Variants in MYO3B observed in about 807,000 individuals in gnomAD.
MYO3B encodes myosin-IIIb.
Under a neutral mutation model 174.6 loss-of-function variants are expected in MYO3B, and 156 were observed. That is an observed-to-expected ratio of 0.89 (90% CI 0.78 to 1.02). The LOEUF (loss-of-function observed/expected upper bound fraction) is 1.02. Among genes scored for constraint, MYO3B ranks in the 50% least tolerant of loss-of-function variants. The pLI is 0.00. For synonymous variants in MYO3B, 563 were observed against 569.1 expected (o/e 0.99, Z 0.15); for missense variants, 1,632 against 1,639.4 (o/e 1.00, Z 0.08).
At chr2:170,602,377 T>C (rs575811501) in intron 32 of MYO3B, 23 of 597,004 alleles carry the variant, frequency 3.9e-5, no homozygotes, top group African/African-American at 3.0e-4. Flanking sequence ...CTCCACTCTG[T>C]AACATTAACC....
intron 22 of MYO3B, among the ~76,000 whole-genome samples, chr2:170,434,474 C>G (rs1456972144): frequency 1.3e-5 from 2 of 152,134 alleles, no homozygotes. Context: ...GCACGTGGCC[C>G]CTGCTGCTGT....
At chr2:170,332,902 C>A (rs779196624) in intron 7 of MYO3B, among the ~76,000 whole-genome samples, 14 of 152,172 alleles carry the variant, frequency 9.2e-5, no homozygotes, top group African/African-American at 2.4e-5. Context: ...GGACCCTTGC[C>A]AGGTCACTCT....
At chr2:170,389,549 C>A (rs1028712281) in intron 14 of MYO3B, among the ~76,000 whole-genome samples, 2 of 152,136 alleles carry the variant, frequency 1.3e-5, no homozygotes, top group African/African-American at 2.4e-5. Flanking sequence ...GAAAATGAAA[C>A]TGAAGTGATG....
chr2:170,637,894 T>C (rs1697646771), intron 32 of MYO3B, among the ~76,000 whole-genome samples: 1 of 152,236 alleles, frequency 6.6e-6, no homozygotes. Context: ...TAATCTTTGC[T>C]TCTCTCAGAT....
intron 32 of MYO3B, among the ~76,000 whole-genome samples, chr2:170,592,114 G>A (rs1693852414): frequency 6.6e-6 from 1 of 152,154 alleles, no homozygotes; most frequent in Admixed American, 6.6e-5. Flanking sequence ...CCCATACCCA[G>A]TGCTGGGATT....
intron 3 of MYO3B, among the ~76,000 whole-genome samples, chr2:170,203,613 C>T (rs534103491): frequency 1.3e-5 from 2 of 151,910 alleles, no homozygotes; most frequent in Middle Eastern, 3.2e-3. Context: ...ATAATCTAGA[C>T]CTGAATATCA....
chr2:170,447,900 T>C (rs1361705176), intron 23 of MYO3B, among the ~76,000 whole-genome samples: 1 of 152,118 alleles, frequency 6.6e-6, no homozygotes, highest in East Asian at 1.9e-4. Flanking sequence ...TGGGGCTGAG[T>C]CAGTTTCTGG....
At chr2:170,637,593 A>G (rs1697628541) in intron 32 of MYO3B, among the ~76,000 whole-genome samples, 1 of 145,738 alleles carries the variant, frequency 6.9e-6, no homozygotes, top group Non-Finnish European at 1.5e-5. Context: ...CAGGGAGGGC[A>G]TGAGAAGTCA....
At chr2:170,384,491 A>C (rs1033463030) in intron 12 of MYO3B, among the ~76,000 whole-genome samples, 1 of 152,160 alleles carries the variant, frequency 6.6e-6, no homozygotes, top group East Asian at 1.9e-4. Context: ...TGAGGGTATC[A>C]ATGTGTGGAT....
intron 14 of MYO3B, among the ~76,000 whole-genome samples, chr2:170,388,373 A>G (rs1011474320): frequency 2.6e-5 from 4 of 152,068 alleles, no homozygotes; most frequent in Non-Finnish European, 5.9e-5. Context: ...AGGGAACGAC[A>G]CATAACCTAG....
chr2:170,455,687 G>A (rs1002860635), intron 23 of MYO3B, among the ~76,000 whole-genome samples: 2 of 152,194 alleles, frequency 1.3e-5, no homozygotes, highest in Admixed American at 6.5e-5. Flanking sequence ...CATGTGTGGA[G>A]CCCATATGTA....
rs572780286 is a variant in MYO3B, at chr2:170,213,189, G to A, written c.322-1190G>A. 1.1e-4 allele frequency among the ~76,000 whole-genome samples: 16 copies of A among 152,298 alleles called. No individual in the cohort carries two copies. In the East Asian group the frequency reaches 2.5e-3, roughly 24 times the overall value. ...AAAAAGTATTGTAGCAGGACAAGCC[G>A]CAGACAAAACTCCTCAGACACCGAG... On this transcript the variant is annotated intron_variant, in intron 3 of 34. Coordinates refer to ENST00000408978, the MANE Select transcript of MYO3B (RefSeq NM_138995.5).
chr2:170,319,244 T>C lies in MYO3B; in HGVS notation c.750-16141T>C, dbSNP rs542843851. ...TTGATGTAGAGAGAAGCCAAGTAAA[T>C]TGTTTTAGTTCACTCAGCTAATAAA... On this transcript the variant is annotated intron_variant, in intron 7 of 34. Coordinates refer to ENST00000408978, the MANE Select transcript of MYO3B (RefSeq NM_138995.5). Among the ~76,000 whole-genome samples the C allele has an allele frequency of 1.1e-4, 16 of 152,336 alleles. 1 individual carries two copies. In the South Asian group the frequency reaches 3.1e-3, roughly 30 times the overall value.
chr2:170,515,963 A>G (rs1488544366), intron 29 of MYO3B, among the ~76,000 whole-genome samples: 1 of 152,130 alleles, frequency 6.6e-6, no homozygotes, highest in Non-Finnish European at 1.5e-5. Context: ...GGATGGAGAC[A>G]ATGAGAAAGT....
intron 7 of MYO3B, among the ~76,000 whole-genome samples, chr2:170,285,456 G>T (rs2093548713): frequency 6.6e-6 from 1 of 151,822 alleles, no homozygotes. Flanking sequence ...TGCCTCCCAG[G>T]TTCAAGTGAT....
chr2:170,369,205 T>C lies in MYO3B; in HGVS notation c.816-17T>C, dbSNP rs1438004034. ...CTAAGATTGTACTTTGGATTGTTTG[T>C]TGGTTTTTGCAAACAGGTGTCTTAT... On this transcript the variant is annotated splice_polypyrimidine_tract_variant and intron_variant, in intron 8 of 34. Coordinates refer to ENST00000408978, the MANE Select transcript of MYO3B (RefSeq NM_138995.5). 6.2e-7 allele frequency: 1 copy of C among 1,610,234 alleles called. No homozygotes were observed. The highest frequency in any genetic ancestry group is 1.7e-5 in the Admixed American group (1 of 59,872).
At chr2:170,278,399 C>T (rs13419672) in intron 7 of MYO3B, among the ~76,000 whole-genome samples, 10,765 of 152,042 alleles carry the variant, frequency 0.071, 536 homozygotes, top group African/African-American at 0.13. Context: ...TGGCAACAGC[C>T]GCAAGTTTTT....
At chr2:170,217,728 GC>G (rs2092846622) in intron 6 of MYO3B, among the ~76,000 whole-genome samples, 2 of 152,312 alleles carry the variant, frequency 1.3e-5, no homozygotes, top group South Asian at 4.2e-4. Context: ...GATACATGCA[GC>G]CCCAGAGGTA....
chr2:170,278,561 G>C (rs2093480553), intron 7 of MYO3B, among the ~76,000 whole-genome samples: 1 of 152,072 alleles, frequency 6.6e-6, no homozygotes, highest in Admixed American at 6.6e-5. Flanking sequence ...ATCAAGTCAA[G>C]GTATTTAGGA....
Sources: gnomAD v4.1 joint callset for allele counts (sites outside exome capture counted in the v4.1 genomes callset) on GRCh38, gnomAD v4.1.1 for gene constraint, MANE v1.5 for transcripts, NCBI Gene and HGNC (gene_info 2026-07-23, HGNC 2026-07-21) for gene names.